CHD6: variants seen among roughly 807,000 people sequenced by gnomAD.
CHD6 encodes chromodomain helicase DNA binding protein 6.
CHD6 carries 50 observed loss-of-function variants against 276.9 expected under a neutral mutation model. That is an observed-to-expected ratio of 0.18 (90% CI 0.14 to 0.23). The LOEUF (loss-of-function observed/expected upper bound fraction) is 0.23. CHD6 is among the 10% of genes least tolerant of loss of function. CHD6 has a pLI of 1.00. For synonymous variants in CHD6, 1,173 were observed against 1,229.3 expected, an observed-to-expected ratio of 0.95 and a Z score of 0.96; for missense variants, 2,564 against 3,365.8, an observed-to-expected ratio of 0.76 and a Z score of 5.89.
At chr20:41,560,454 T>C (rs564099653) in intron 1 of CHD6, among the ~76,000 whole-genome samples, 1 of 152,348 alleles carries the variant, frequency 6.6e-6, no homozygotes, top group East Asian at 1.9e-4. Flanking sequence ...ATGTCTTCCC[T>C]GACCTGCCTA....
intron 1 of CHD6, among the ~76,000 whole-genome samples, chr20:41,563,398 A>T (rs1481654186): frequency 1.2e-4 from 19 of 152,192 alleles, no homozygotes; most frequent in Non-Finnish European, 1.5e-5. Flanking sequence ...GTTTTACCTG[A>T]GATGATATAA....
chr20:41,515,868 A>G (rs975726869), intron 3 of CHD6, among the ~76,000 whole-genome samples: 1 of 152,230 alleles, frequency 6.6e-6, no homozygotes, highest in African/African-American at 2.4e-5. Context: ...TGCTTTATGC[A>G]TAGTAAGTAT....
intron 31 of CHD6, among the ~76,000 whole-genome samples, chr20:41,418,751 C>T (rs1332401347): frequency 1.3e-5 from 2 of 152,076 alleles, no homozygotes; most frequent in Admixed American, 6.5e-5. Context: ...GCCTACCTGT[C>T]CCACACCTCA....
At chr20:41,505,401 G>C (rs753985133) in intron 5 of CHD6, among the ~76,000 whole-genome samples, 24 of 152,186 alleles carry the variant, frequency 1.6e-4, no homozygotes, top group Non-Finnish European at 2.9e-4. Context: ...CACGAGCCCT[G>C]TATATTCAAT....
intron 2 of CHD6, among the ~76,000 whole-genome samples, chr20:41,537,779 G>A (rs1262177063): frequency 6.6e-6 from 1 of 152,170 alleles, no homozygotes; most frequent in African/African-American, 2.4e-5. Context: ...ATACATTGTT[G>A]GTGGGAATAT....
chr20:41,451,339 A>C (rs1330376871), intron 22 of CHD6, among the ~76,000 whole-genome samples: 1 of 152,228 alleles, frequency 6.6e-6, no homozygotes, highest in East Asian at 1.9e-4. Flanking sequence ...AGATTTCCCA[A>C]GTACCCTGTG....
At chr20:41,424,734 T>C (rs1332321122) in intron 29 of CHD6, among the ~76,000 whole-genome samples, 2 of 152,238 alleles carry the variant, frequency 1.3e-5, no homozygotes, top group Non-Finnish European at 2.9e-5. Flanking sequence ...TCACTGCTGG[T>C]AATTTATTCT....
At chr20:41,541,100 C>T (rs577896310) in intron 2 of CHD6, among the ~76,000 whole-genome samples, 10 of 151,408 alleles carry the variant, frequency 6.6e-5, no homozygotes, top group Non-Finnish European at 1.2e-4. Flanking sequence ...CTTATCCACT[C>T]AGCAAAGACA....
intron 2 of CHD6, among the ~76,000 whole-genome samples, chr20:41,540,529 G>A (rs1012342481): frequency 6.6e-6 from 1 of 152,162 alleles, no homozygotes; most frequent in Non-Finnish European, 1.5e-5. Context: ...CAATCATAAG[G>A]ATTCAAGAAT....
chr20:41,445,755 G>A lies in CHD6; in HGVS notation c.3787C>T (p.Pro1263Ser). The A allele has an allele frequency of 6.2e-7, 1 of 1,611,644 alleles. No homozygotes were observed. Among genetic ancestry groups the A allele is most frequent in the South Asian group, 1.1e-5 (1 of 90,992 alleles). ...TCCATGTAGTCGATGTCAGGCAGAG[G>A]TACATCCAGCTCCCTAGGGAAGGAA... ...EGSPARELDV[P>S]LPDIDYMEIP... Residue 1263 changes from proline (P) to serine (S), a missense_variant, in exon 25 of 37, where the codon CCT becomes TCT. By Grantham distance (74) the Pro-to-Ser change is moderately conservative. Coordinates refer to ENST00000373233, the MANE Select transcript of CHD6 (RefSeq NM_032221.5).
At chr20:41,600,965 T>A (rs979346649) in intron 1 of CHD6, among the ~76,000 whole-genome samples, 1 of 152,130 alleles carries the variant, frequency 6.6e-6, no homozygotes, top group Admixed American at 6.6e-5. Flanking sequence ...GAGAAAAAAG[T>A]GGAATTTTAC....
chr20:41,493,489 T>TA, intron 10 of CHD6, 49 bp downstream of exon 10: 1 of 1,583,672 alleles, frequency 6.3e-7, no homozygotes, highest in Non-Finnish European at 8.6e-7. Context: ...GCAAAGTTCA[T>TA]AAAATTACAT....
chr20:41,605,163 G>A (rs747663286), intron 1 of CHD6, among the ~76,000 whole-genome samples: 2 of 152,130 alleles, frequency 1.3e-5, no homozygotes, highest in Admixed American at 6.5e-5. Context: ...TAGAGAGACA[G>A]AAAGTTATAA....
intron 1 of CHD6, among the ~76,000 whole-genome samples, chr20:41,601,738 G>A (rs1339342376): frequency 3.9e-5 from 6 of 152,166 alleles, no homozygotes; most frequent in African/African-American, 1.4e-4. Context: ...GTAAAATGAA[G>A]GTAATAACAG....
At position 41,415,587 on chromosome 20, in the gene CHD6, G is replaced by C; in HGVS notation, c.6538C>G (p.Pro2180Ala). ...TCCCTCTCCACCTCAAACTCATAGG[G>C]ACGCCTGTGCTTTTGTTCATCCTTT... is the stretch of plus-strand genomic sequence containing the variant. The part of the protein sequence containing the change: ...FTKDEQKHRR[P>A]YEFEVERDAK... The change falls in exon 34 of 37, where the codon CCC (proline) becomes GCC (alanine). Residue 2180 changes from proline to alanine, a missense_variant. By Grantham distance (27) the Pro-to-Ala change is conservative (BLOSUM62 -1). Coordinates refer to ENST00000373233, the MANE Select transcript of CHD6 (RefSeq NM_032221.5). 6.2e-7 allele frequency: 1 copy of C among 1,612,284 alleles called. No individual in the cohort carries two copies. Among genetic ancestry groups the C allele is most frequent in the South Asian group, 1.1e-5 (1 of 90,772 alleles).
intron 3 of CHD6, among the ~76,000 whole-genome samples, chr20:41,529,894 T>C (rs2044639634): frequency 6.6e-6 from 1 of 152,220 alleles, no homozygotes; most frequent in Non-Finnish European, 1.5e-5. Context: ...GGGAATCCTA[T>C]TTCCCTGCCT....
intron 8 of CHD6, among the ~76,000 whole-genome samples, chr20:41,495,618 TA>T (rs1360770824): frequency 1.3e-5 from 2 of 152,092 alleles, no homozygotes; most frequent in Admixed American, 6.5e-5. Flanking sequence ...TTCTCACCCT[TA>T]GGGGGGAAAA....
chr20:41,599,461 T>C lies in CHD6; in HGVS notation c.-24+18879A>G, dbSNP rs73267441. ...ATCTTTACCCCCCTTGCAATTGCTATAGGTGTACTCATTCTTGTAGGTTGC... is the reference window on the plus strand; with the variant it reads ...ATCTTTACCCCCCTTGCAATTGCTACAGGTGTACTCATTCTTGTAGGTTGC... On this transcript the variant is annotated intron_variant, in intron 1 of 36. Coordinates refer to ENST00000373233, the MANE Select transcript of CHD6 (RefSeq NM_032221.5). 1.6e-3 allele frequency among the ~76,000 whole-genome samples: 244 copies of C among 152,246 alleles called. 1 individual carries two copies. The highest frequency in any genetic ancestry group is 5.7e-3 in the African/African-American group (236 of 41,536).
chr20:41,608,223 T>C (rs556976051), intron 1 of CHD6, among the ~76,000 whole-genome samples: 1 of 152,230 alleles, frequency 6.6e-6, no homozygotes, highest in Admixed American at 6.5e-5. Context: ...TTTACCGTGA[T>C]AAAAGGGAGG....
Sources: allele counts gnomAD v4.1 joint callset (sites outside exome capture counted in the v4.1 genomes callset), GRCh38; gene constraint gnomAD v4.1.1; transcripts MANE v1.5; gene names NCBI Gene and HGNC (gene_info 2026-07-23, HGNC 2026-07-21).